The following MGMT variants were observed in gnomAD, a reference collection of about 807,000 sequenced individuals.
MGMT encodes O-6-methylguanine-DNA methyltransferase.
A neutral mutation model predicts 15.9 loss-of-function variants in MGMT; 14 were observed. The observed-to-expected ratio is 0.88, with a 90% CI of 0.58 to 1.37. The LOEUF is 1.37. Ranked by LOEUF, MGMT falls within the 40% of genes most tolerant of loss-of-function variation. The pLI is 0.00. For missense variants in MGMT, 282 were observed against 268.1 expected (o/e 1.05, Z -0.36); for synonymous variants, 130 against 118.2 (o/e 1.10, Z -0.65).
intron 2 of MGMT, among the ~76,000 whole-genome samples, chr10:129,671,421 G>C (rs1271166548): frequency 6.7e-6 from 1 of 148,350 alleles, no homozygotes; most frequent in Non-Finnish European, 1.5e-5. Flanking sequence ...TGGGGCTGGG[G>C]CTGGACATCT....
chr10:129,570,590 G>A (rs1480323544), intron 2 of MGMT, among the ~76,000 whole-genome samples: 1 of 152,240 alleles, frequency 6.6e-6, no homozygotes, highest in African/African-American at 2.4e-5. Context: ...AATTATTTTA[G>A]TGCAACATAA....
chr10:129,764,328 G>GGGGGGC (rs757520376), intron 4 of MGMT, among the ~76,000 whole-genome samples: 32 of 152,224 alleles, frequency 2.1e-4, no homozygotes, highest in Admixed American at 3.3e-4. Context: ...CCTTTTCCAA[G>GGGGGGC]GGGGGCTGGG....
chr10:129,478,306 G>A (rs1368616857), intron 1 of MGMT, among the ~76,000 whole-genome samples: 1 of 152,136 alleles, frequency 6.6e-6, no homozygotes, highest in South Asian at 2.1e-4. Context: ...GCATGTGGTC[G>A]TCTGGTTGGA....
chr10:129,727,008 G>C (rs943500568), intron 3 of MGMT, among the ~76,000 whole-genome samples: 7 of 152,238 alleles, frequency 4.6e-5, no homozygotes, highest in African/African-American at 1.7e-4. Flanking sequence ...ACTAGAGTCA[G>C]TCAGTGAAGT....
chr10:129,650,998 C>G (rs951370836), intron 2 of MGMT, among the ~76,000 whole-genome samples: 1 of 152,164 alleles, frequency 6.6e-6, no homozygotes, highest in African/African-American at 2.4e-5. Flanking sequence ...ACAGAGTGTG[C>G]AAGGGGCTGA....
chr10:129,738,735 G>A (rs1400415335), intron 3 of MGMT, among the ~76,000 whole-genome samples: 1 of 152,170 alleles, frequency 6.6e-6, no homozygotes, highest in South Asian at 2.1e-4. Flanking sequence ...ACAAAGAAGA[G>A]CTGGTACCAT....
chr10:129,576,481 A>C (rs1846484266), intron 2 of MGMT, among the ~76,000 whole-genome samples: 1 of 152,258 alleles, frequency 6.6e-6, no homozygotes, highest in Non-Finnish European at 1.5e-5. Context: ...GACAAAATTC[A>C]ACAACCCTTC....
rs566722306 is a variant in MGMT, at chr10:129,705,478, G to A, written c.126-2417G>A. On this transcript the variant is annotated intron_variant, in intron 2 of 4. Coordinates refer to ENST00000651593, the MANE Select transcript of MGMT (RefSeq NM_002412.5). Reference sequence around the variant, plus strand: ...GTAAGCTATAGTTATCTTTATTTCCGCTTTAACTGCATAAGAGAGGAAACC... The same window carrying A: ...GTAAGCTATAGTTATCTTTATTTCCACTTTAACTGCATAAGAGAGGAAACC... Among the ~76,000 whole-genome samples, 31 of 152,250 alleles carry A rather than the reference G, an allele frequency of 2.0e-4. 1 individual carries two copies. Among genetic ancestry groups the A allele is most frequent in the Admixed American group, 8.5e-4 (13 of 15,296 alleles).
chr10:129,667,915 C>T (rs1847678078), intron 2 of MGMT, among the ~76,000 whole-genome samples: 1 of 152,168 alleles, frequency 6.6e-6, no homozygotes, highest in Non-Finnish European at 1.5e-5. Context: ...AGTATTTGTA[C>T]AGGACTTTCA....
Position 129,533,559 on chromosome 10 carries a change from C to T in MGMT, c.-12-2682C>T, listed in dbSNP as rs907529159. 6.6e-6 allele frequency among the ~76,000 whole-genome samples: 1 copy of T among 152,270 alleles called. No individual in the cohort carries two copies. The highest frequency in any genetic ancestry group is 2.1e-4 in the South Asian group (1 of 4,822). On this transcript the variant is annotated intron_variant, in intron 1 of 4. Transcript: ENST00000651593. The surrounding 1 kb of genome is among the most constrained non-coding windows in gnomAD (Gnocchi z 4.5). The stretch of plus-strand genomic sequence containing the variant: ...TGCAGGGCGAGTTTCCAAGAAATGG[C>T]GAGAGAGCATCCAGATTTCTCACGT...
At chr10:129,644,947 A>G (rs1847369467) in intron 2 of MGMT, among the ~76,000 whole-genome samples, 1 of 152,094 alleles carries the variant, frequency 6.6e-6, no homozygotes, top group Non-Finnish European at 1.5e-5. Flanking sequence ...TTCCCAGTCC[A>G]GGCAGAAGGA....
At chr10:129,474,017 C>T (rs12243040) in intron 1 of MGMT, among the ~76,000 whole-genome samples, 44,352 of 152,146 alleles carry the variant, frequency 0.29, 7,169 homozygotes, top group Non-Finnish European at 0.37. Flanking sequence ...CTGTGGCTAC[C>T]GGTCAGGTTT....
At chr10:129,722,397 G>A (rs550861659) in intron 3 of MGMT, among the ~76,000 whole-genome samples, 1 of 152,290 alleles carries the variant, frequency 6.6e-6, no homozygotes, top group Admixed American at 6.5e-5. Flanking sequence ...TAAGTAAATG[G>A]ATCTTTATTA....
intron 1 of MGMT, among the ~76,000 whole-genome samples, chr10:129,472,406 T>C (rs1482105513): frequency 1.3e-5 from 2 of 152,016 alleles, no homozygotes; most frequent in East Asian, 3.9e-4. Flanking sequence ...ATAGAAATTT[T>C]AATTTGGAGC....
At chr10:129,528,947 C>G (rs553228387) in intron 1 of MGMT, among the ~76,000 whole-genome samples, 1 of 152,294 alleles carries the variant, frequency 6.6e-6, no homozygotes, top group African/African-American at 2.4e-5. Context: ...GGTGACACAA[C>G]AAGTAAGCAA....
At chr10:129,550,647 G>A (rs759742996) in intron 2 of MGMT, among the ~76,000 whole-genome samples, 3 of 151,964 alleles carry the variant, frequency 2.0e-5, no homozygotes, top group South Asian at 4.2e-4. Context: ...GGGTTTCACC[G>A]TGTTGCCAGG....
intron 2 of MGMT, among the ~76,000 whole-genome samples, chr10:129,669,171 T>G (rs959113197): frequency 6.6e-6 from 1 of 152,168 alleles, no homozygotes; most frequent in Non-Finnish European, 1.5e-5. Flanking sequence ...TTTGTTTTTT[T>G]AAAAATCAAC....
At chr10:129,522,774 T>G (rs1845827516) in intron 1 of MGMT, among the ~76,000 whole-genome samples, 1 of 152,174 alleles carries the variant, frequency 6.6e-6, no homozygotes, top group Admixed American at 6.5e-5. Flanking sequence ...AAAGAGGAAC[T>G]TCCCCTCAGC....
Position 129,770,771 on chromosome 10 carries a change from C to T in MGMT, c.*3774C>T, listed in dbSNP as rs762870444. On this transcript the variant is annotated 3_prime_UTR_variant, in exon 5 of 5. Transcript: ENST00000651593. Reference sequence around the variant, plus strand: ...ACCAATCCCGAAACGGCCCTTGCTTCGGCCACAGCTGCTGGGATGTCCTCG... The same window carrying T: ...ACCAATCCCGAAACGGCCCTTGCTTTGGCCACAGCTGCTGGGATGTCCTCG... 9.2e-5 allele frequency among the ~76,000 whole-genome samples: 14 copies of T among 152,196 alleles called. No individual in the cohort carries two copies. Among genetic ancestry groups the T allele is most frequent in the Non-Finnish European group, 1.6e-4 (11 of 68,048 alleles).
Sources: allele counts gnomAD v4.1 joint callset (sites outside exome capture counted in the v4.1 genomes callset), GRCh38; gene constraint gnomAD v4.1.1; non-coding constraint Gnocchi (gnomAD v3.1); transcripts MANE v1.5; gene names NCBI Gene and HGNC (gene_info 2026-07-23, HGNC 2026-07-21).